Variants in MOSPD1 observed in about 807,000 individuals in gnomAD.
The protein encoded by MOSPD1 is motile sperm domain-containing protein 1.
Under a neutral mutation model 16.7 loss-of-function variants are expected in MOSPD1, and 5 were observed. The observed-to-expected ratio is 0.30, with a 90% CI of 0.16 to 0.63. The LOEUF (loss-of-function observed/expected upper bound fraction) is 0.63, where lower values mean the gene tolerates loss of function less well. MOSPD1 is among the 30% of genes least tolerant of loss of function. The pLI is 0.82. For missense variants in MOSPD1, 104 were observed against 153.6 expected (o/e 0.68, Z 1.71); for synonymous variants, 67 against 59.2 (o/e 1.13, Z -0.61).
At chrX:134,914,204 A>G (rs750096811) in intron 1 of MOSPD1, among the ~76,000 whole-genome samples, 2 of 112,080 alleles carry the variant, frequency 1.8e-5, no homozygotes, top group African/African-American at 3.2e-5. Context: ...TCCTCTTCTT[A>G]TCTCCCTCAA....
intron 1 of MOSPD1, among the ~76,000 whole-genome samples, chrX:134,907,135 G>A (rs1374707311): frequency 9.0e-6 from 1 of 111,203 alleles, no homozygotes; most frequent in Non-Finnish European, 1.9e-5. Context: ...GGCTGAGGCA[G>A]GACAACTGCT....
chrX:134,900,021 T>C (rs1175131930), intron 1 of MOSPD1: 1 of 111,791 alleles, frequency 8.9e-6, no homozygotes, highest in Non-Finnish European at 1.9e-5. Context: ...TTGTATAGCT[T>C]TTACCAAATT....
intron 4 of MOSPD1, among the ~76,000 whole-genome samples, chrX:134,893,707 T>C (rs1484948350): frequency 9.0e-6 from 1 of 111,488 alleles, no homozygotes; most frequent in Non-Finnish European, 1.9e-5. Context: ...TGTTTTTTTT[T>C]CCTTACTTAG....
At chrX:134,908,946 T>C (rs1262685264) in intron 1 of MOSPD1, among the ~76,000 whole-genome samples, 1 of 112,224 alleles carries the variant, frequency 8.9e-6, no homozygotes, top group African/African-American at 3.2e-5. Flanking sequence ...CATTTTCTCA[T>C]TTGCACCCTG....
chrX:134,902,471 A>AT (rs907091502), intron 1 of MOSPD1, among the ~76,000 whole-genome samples: 4 of 110,517 alleles, frequency 3.6e-5, no homozygotes, highest in African/African-American at 1.3e-4. Flanking sequence ...CTAGTCCAGT[A>AT]TTTTTTCCAC....
At chrX:134,911,226 T>C (rs1240537212) in intron 1 of MOSPD1, among the ~76,000 whole-genome samples, 1 of 111,618 alleles carries the variant, frequency 9.0e-6, no homozygotes, top group Non-Finnish European at 1.9e-5. Flanking sequence ...GGGGTTGCCA[T>C]TGACCATTCA....
chrX:134,904,385 C>A (rs1358001823), intron 1 of MOSPD1, among the ~76,000 whole-genome samples: 1 of 112,205 alleles, frequency 8.9e-6, no homozygotes, highest in Admixed American at 9.5e-5. Context: ...TGCACATAGC[C>A]TCAGTTCCAG....
intron 4 of MOSPD1, among the ~76,000 whole-genome samples, chrX:134,896,562 T>C (rs2082885635): frequency 8.9e-6 from 1 of 111,769 alleles, no homozygotes; most frequent in Non-Finnish European, 1.9e-5. Flanking sequence ...AATACAGATA[T>C]ATTTAAAAGG....
intron 1 of MOSPD1, among the ~76,000 whole-genome samples, chrX:134,913,872 C>T (rs1448730706): frequency 9.0e-6 from 1 of 111,709 alleles, no homozygotes; most frequent in Non-Finnish European, 1.9e-5. Context: ...GGTATGTAGA[C>T]GTGAACAACT....
chrX:134,897,221 G>A (rs1418950758), intron 3 of MOSPD1, among the ~76,000 whole-genome samples, 187 bp from the exon 4 acceptor site: 1 of 110,920 alleles, frequency 9.0e-6, no homozygotes, highest in Non-Finnish European at 1.9e-5. Context: ...CGGAAACATT[G>A]GATGAAAGCA....
chrX:134,889,227 T>C lies in MOSPD1; in HGVS notation c.611-35A>G, dbSNP rs1227650056. On this transcript the variant is annotated intron_variant, in intron 5 of 5. Transcript: ENST00000370783. ...GAAAAATGGAGAACAGTTAAAGGTATGCACCTAACAGAATCTTTCATTCAA... is the reference window on the plus strand; with the variant it reads ...GAAAAATGGAGAACAGTTAAAGGTACGCACCTAACAGAATCTTTCATTCAA... 18 of 1,092,245 alleles carry C rather than the reference T, an allele frequency of 1.6e-5. No individual in the cohort carries two copies. In the Admixed American group the frequency reaches 4.2e-4, roughly 25 times the overall value. The allele number at this position is 1,092,245 out of a possible 1,213,427, so 90.0% of individuals were successfully genotyped here.
chrX:134,899,727 C>A, intron 1 of MOSPD1, 193 bp from the exon 2 acceptor site: 5 of 205,697 alleles, frequency 2.4e-5, no homozygotes, highest in Non-Finnish European at 4.4e-5. Flanking sequence ...TCAGGAGTTC[C>A]AGACCAGCCT....
chrX:134,905,561 A>AT (rs1164273338), intron 1 of MOSPD1, among the ~76,000 whole-genome samples: 3 of 81,086 alleles, frequency 3.7e-5, no homozygotes, highest in Non-Finnish European at 7.2e-5. Context: ...AAAAACGAAT[A>AT]TTTAAAAAAA....
intron 3 of MOSPD1, among the ~76,000 whole-genome samples, chrX:134,897,546 T>TAA (rs1221758366): frequency 2.8e-4 from 16 of 57,872 alleles, no homozygotes; most frequent in African/African-American, 3.4e-4. Context: ...TCTGTCTTAT[T>TAA]AAAAAAAAAA....
chrX:134,909,972 C>T (rs1175652747), intron 1 of MOSPD1, among the ~76,000 whole-genome samples: 1 of 111,410 alleles, frequency 9.0e-6, no homozygotes, highest in African/African-American at 3.3e-5. Flanking sequence ...ATTTACAACC[C>T]GGTTATAATT....
intron 1 of MOSPD1, among the ~76,000 whole-genome samples, chrX:134,904,153 T>C (rs2082929242): frequency 1.8e-5 from 2 of 112,642 alleles, no homozygotes; most frequent in African/African-American, 3.2e-5. Flanking sequence ...CTTTACTTCA[T>C]AGAAAAGGGA....
intron 1 of MOSPD1, among the ~76,000 whole-genome samples, chrX:134,909,919 A>C (rs5978061): frequency 0.45 from 50,267 of 110,518 alleles, 9,586 homozygotes; most frequent in African/African-American, 0.73. Context: ...AAAAAGAATA[A>C]CCTAATGTCT....
Position 134,905,241 on chromosome X carries a change from C to T in MOSPD1, c.-101-5707G>A, listed in dbSNP as rs868380219. Among the ~76,000 whole-genome samples the T allele has an allele frequency of 8.0e-4, 86 of 108,124 alleles. 1 individual carries two copies. Among genetic ancestry groups the T allele is most frequent in the Middle Eastern group, 4.8e-3 (1 of 207 alleles). 93.9% of individuals were successfully genotyped at this position (108,124 alleles called of 115,157 possible). On this transcript the variant is annotated intron_variant, in intron 1 of 5. Transcript: ENST00000370783. ...ACACCACGCCAGGCGTGGTGGCGGGCGCCTGTAGTCCCAGCTACTCAGGAG... is the reference window on the plus strand; with the variant it reads ...ACACCACGCCAGGCGTGGTGGCGGGTGCCTGTAGTCCCAGCTACTCAGGAG...
intron 4 of MOSPD1, among the ~76,000 whole-genome samples, chrX:134,893,018 C>G (rs1249308007): frequency 2.7e-5 from 3 of 111,895 alleles, no homozygotes; most frequent in African/African-American, 9.7e-5. Context: ...TGTCATATGG[C>G]TTTTCCCACT....
Sources: allele counts gnomAD v4.1 joint callset (sites outside exome capture counted in the v4.1 genomes callset), GRCh38; gene constraint gnomAD v4.1.1; transcripts MANE v1.5; gene names NCBI Gene and HGNC (gene_info 2026-07-23, HGNC 2026-07-21).